TRPC5: variants seen among roughly 807,000 people sequenced by gnomAD.
TRPC5 encodes transient receptor potential cation channel subfamily C member 5.
A neutral mutation model predicts 56.5 loss-of-function variants in TRPC5; 9 were observed. The observed-to-expected ratio is 0.16, with a 90% CI of 0.10 to 0.28. The LOEUF (loss-of-function observed/expected upper bound fraction) is 0.28, where lower values mean the gene tolerates loss of function less well. Among genes scored for constraint, TRPC5 ranks in the 10% least tolerant of loss-of-function variants. TRPC5 has a pLI of 1.00. For synonymous variants in TRPC5, 282 were observed against 278.5 expected (o/e 1.01, Z -0.13); for missense variants, 469 against 748.9 (o/e 0.63, Z 4.36).
chrX:111,831,478 C>T (rs1922405184), intron 7 of TRPC5, among the ~76,000 whole-genome samples: 1 of 111,764 alleles, frequency 8.9e-6, no homozygotes, highest in African/African-American at 3.3e-5. Flanking sequence ...TCTAGTCTTG[C>T]CTGCTATCTT....
At chrX:112,077,046 G>A (rs374905973) in intron 1 of TRPC5, among the ~76,000 whole-genome samples, 2 of 111,703 alleles carry the variant, frequency 1.8e-5, no homozygotes, top group East Asian at 2.8e-4. Context: ...ATATCCCAGT[G>A]CATTATACGG....
At chrX:111,949,684 A>C (rs1324874628) in intron 2 of TRPC5, among the ~76,000 whole-genome samples, 1 of 111,318 alleles carries the variant, frequency 9.0e-6, no homozygotes, top group Non-Finnish European at 1.9e-5. Context: ...ATCAAAAAAT[A>C]AAAAAAATAG....
chrX:111,921,847 G>A (rs1264488093), intron 2 of TRPC5, among the ~76,000 whole-genome samples: 4 of 111,804 alleles, frequency 3.6e-5, no homozygotes, highest in South Asian at 3.8e-4. Flanking sequence ...TTTGCTACTG[G>A]ATCTGTCCAA....
chrX:111,926,186 A>G (rs1446724711), intron 2 of TRPC5, among the ~76,000 whole-genome samples: 1 of 110,453 alleles, frequency 9.1e-6, no homozygotes, highest in African/African-American at 3.3e-5. Flanking sequence ...TTATTTCCCA[A>G]CCCACCTGAG....
chrX:112,011,373 A>G (rs1928987601), intron 1 of TRPC5, among the ~76,000 whole-genome samples: 1 of 111,111 alleles, frequency 9.0e-6, no homozygotes, highest in African/African-American at 3.3e-5. Context: ...GGATATGCAT[A>G]TATTTTTATA....
At chrX:111,812,420 G>A (rs1603039677) in intron 7 of TRPC5, among the ~76,000 whole-genome samples, 1 of 111,657 alleles carries the variant, frequency 9.0e-6, no homozygotes, top group South Asian at 3.8e-4. Context: ...GTGCTCACGT[G>A]ACCTCACGTT....
At chrX:111,851,019 C>A (rs1011778808) in intron 5 of TRPC5, among the ~76,000 whole-genome samples, 1 of 111,888 alleles carries the variant, frequency 8.9e-6, no homozygotes, top group Non-Finnish European at 1.9e-5. Context: ...CACCCAGGCA[C>A]ATTAACCAGG....
chrX:111,938,215 G>A (rs1374503498), intron 2 of TRPC5, among the ~76,000 whole-genome samples: 15 of 92,453 alleles, frequency 1.6e-4, no homozygotes, highest in Non-Finnish European at 8.5e-5. Context: ...AGACTTTGCT[G>A]AAGTTGCCTA....
Position 111,932,754 on chromosome X carries a change from G to T in TRPC5, c.378+19289C>A, listed in dbSNP as rs939798731. 5.4e-5 allele frequency among the ~76,000 whole-genome samples: 6 copies of T among 111,967 alleles called. No individual in the cohort carries two copies. In the Admixed American group the frequency reaches 5.7e-4, roughly 11 times the overall value. On this transcript the variant is annotated intron_variant, in intron 2 of 10. Coordinates refer to ENST00000262839, the MANE Select transcript of TRPC5 (RefSeq NM_012471.3). Reference sequence around the variant, plus strand: ...AGAAAAAAAGAGGGTGGGCAGATGAGCACAGCAACCCAGCTATTTGTGATC... The same window carrying T: ...AGAAAAAAAGAGGGTGGGCAGATGATCACAGCAACCCAGCTATTTGTGATC...
At chrX:111,887,247 CAAAT>C (rs1924549222) in intron 3 of TRPC5, among the ~76,000 whole-genome samples, 1 of 112,660 alleles carries the variant, frequency 8.9e-6, no homozygotes. Flanking sequence ...TAGGAAGAAA[CAAAT>C]AATTTATTCC....
At chrX:111,995,823 A>G (rs927776246) in intron 1 of TRPC5, among the ~76,000 whole-genome samples, 1 of 110,803 alleles carries the variant, frequency 9.0e-6, no homozygotes, top group Admixed American at 9.6e-5. Flanking sequence ...GGGTGGTGAT[A>G]TCCCCTTTAT....
intron 10 of TRPC5, among the ~76,000 whole-genome samples, chrX:111,778,017 TG>T (rs1368248803): frequency 1.8e-5 from 2 of 112,398 alleles, no homozygotes; most frequent in African/African-American, 6.5e-5. Context: ...GCAGAGTGCT[TG>T]GAACATAGCA....
At chrX:112,071,940 C>T (rs1416315033) in intron 1 of TRPC5, among the ~76,000 whole-genome samples, 2 of 112,158 alleles carry the variant, frequency 1.8e-5, no homozygotes, top group Admixed American at 1.9e-4. Context: ...GACTTTAAGG[C>T]CATCACTCAC....
chrX:111,875,803 C>T (rs1923919879), intron 3 of TRPC5, among the ~76,000 whole-genome samples: 1 of 109,827 alleles, frequency 9.1e-6, no homozygotes, highest in African/African-American at 3.3e-5. Flanking sequence ...AGATCCTCAA[C>T]TCCTTTAGGG....
intron 3 of TRPC5, among the ~76,000 whole-genome samples, chrX:111,906,212 C>T (rs986546962): frequency 3.7e-5 from 4 of 107,770 alleles, no homozygotes; most frequent in African/African-American, 1.4e-4. Context: ...AAAAATCAGC[C>T]GGCACGGTGG....
At chrX:112,047,267 A>G (rs1930062215) in intron 1 of TRPC5, among the ~76,000 whole-genome samples, 1 of 111,405 alleles carries the variant, frequency 9.0e-6, no homozygotes, top group South Asian at 3.8e-4. Flanking sequence ...GCATCCATCC[A>G]CAAATATCCA....
chrX:111,892,295 T>C (rs1016833831), intron 3 of TRPC5, among the ~76,000 whole-genome samples: 9 of 112,384 alleles, frequency 8.0e-5, no homozygotes, highest in African/African-American at 2.9e-4. Context: ...ACTTGAAACT[T>C]TGGGTTGGTT....
intron 3 of TRPC5, among the ~76,000 whole-genome samples, chrX:111,873,673 A>T (rs1569526999): frequency 9.0e-6 from 1 of 110,886 alleles, no homozygotes; most frequent in African/African-American, 3.3e-5. Context: ...AATCCCAGCT[A>T]CTAGGGAGGC....
chrX:111,960,999 A>G (rs1184149143), intron 1 of TRPC5, among the ~76,000 whole-genome samples: 1 of 110,322 alleles, frequency 9.1e-6, no homozygotes, highest in Non-Finnish European at 1.9e-5. Flanking sequence ...TTTAGTGCAG[A>G]CGAGGTTTCA....
Sources: allele counts gnomAD v4.1 joint callset (sites outside exome capture counted in the v4.1 genomes callset), GRCh38; gene constraint gnomAD v4.1.1; transcripts MANE v1.5; gene names NCBI Gene and HGNC (gene_info 2026-07-23, HGNC 2026-07-21).